The following OR51B5 variants were observed in gnomAD, a reference collection of about 807,000 sequenced individuals.
OR51B5 encodes the protein olfactory receptor family 51 subfamily B member 5, also known as olfactory receptor 51B5.
For missense variants in OR51B5, 456 were observed against 374.6 expected (o/e 1.22, Z -1.79); for synonymous variants, 186 against 144.8 (o/e 1.28, Z -2.04).
chr11:5,457,247 C>T (rs1590007638), intron 1 of OR51B5, among the ~76,000 whole-genome samples: 1 of 152,298 alleles, frequency 6.6e-6, no homozygotes, highest in African/African-American at 2.4e-5. Context: ...GTTTTCTGTT[C>T]ATGCATTAAT....
At chr11:5,385,678 ATAC>A (rs2133723371) in intron 1 of OR51B5, among the ~76,000 whole-genome samples, 1 of 146,104 alleles carries the variant, frequency 6.8e-6, no homozygotes, top group South Asian at 2.2e-4. Flanking sequence ...ATACGTATAA[ATAC>A]TACCTATAAT....
At chr11:5,353,373 A>G (rs1852018618) in intron 1 of OR51B5, among the ~76,000 whole-genome samples, 2 of 152,192 alleles carry the variant, frequency 1.3e-5, no homozygotes, top group African/African-American at 4.8e-5. Flanking sequence ...ATAAAGTGGT[A>G]TGAGAGGTCT....
chr11:5,422,130 G>C, intron 1 of OR51B5: 1 of 1,205,212 alleles, frequency 8.3e-7, no homozygotes, highest in Non-Finnish European at 1.2e-6. Context: ...ATGGGGCAAA[G>C]AGATATTATT....
At chr11:5,414,388 A>C (rs1282358165) in intron 1 of OR51B5, among the ~76,000 whole-genome samples, 40 of 146,852 alleles carry the variant, frequency 2.7e-4, no homozygotes, top group South Asian at 7.0e-4. Flanking sequence ...TGAGCAAAAT[A>C]ACCAGCTAAC....
rs971569869 is a variant in OR51B5 at position 5,478,802 on chromosome 11, G to C, written n.84+26767C>G. ...TGAATGAAATGAAGCGTGAAGGGAA[G>C]TTTAGAGAAAAAAGAATAAAAAGAA... is the stretch of plus-strand genomic sequence containing the variant. On this transcript the variant is annotated intron_variant and non_coding_transcript_variant, in intron 1 of 4. Coordinates refer to the OR51B5 transcript ENST00000415970. Among the ~76,000 whole-genome samples the C allele has an allele frequency of 1.4e-3, 217 of 150,732 alleles. 2 individuals are homozygous for C. Among genetic ancestry groups the C allele is most frequent in the African/African-American group, 5.0e-3 (205 of 40,696 alleles).
chr11:5,418,622 G>A (rs7943412), intron 1 of OR51B5, among the ~76,000 whole-genome samples: 124,485 of 151,504 alleles, frequency 0.82, 51,970 homozygotes, highest in Non-Finnish European at 0.89. Flanking sequence ...GCAAAATATC[G>A]CAAGGACAGA....
chr11:5,350,722 T>C (rs938328459), intron 1 of OR51B5, among the ~76,000 whole-genome samples: 2 of 152,200 alleles, frequency 1.3e-5, no homozygotes, highest in African/African-American at 4.8e-5. Context: ...CAAATCCACA[T>C]TTTACTGTTT....
At chr11:5,444,961 C>T (rs1243328826) in intron 1 of OR51B5, among the ~76,000 whole-genome samples, 2 of 152,146 alleles carry the variant, frequency 1.3e-5, no homozygotes, top group African/African-American at 4.8e-5. Context: ...CTCCTGAGAC[C>T]TTCACAGATA....
At chr11:5,376,365 G>C (rs926798671) in intron 1 of OR51B5, among the ~76,000 whole-genome samples, 24 of 152,136 alleles carry the variant, frequency 1.6e-4, no homozygotes, top group African/African-American at 5.8e-4. Context: ...AAGCAAGAAA[G>C]ATCCAAAATT....
At chr11:5,391,016 A>C (rs1849786820) in intron 1 of OR51B5, 1 of 152,266 alleles carries the variant, frequency 6.6e-6, no homozygotes, top group South Asian at 2.1e-4. Flanking sequence ...GACTCCTCTC[A>C]TCTCTGATTT....
At chr11:5,485,852 G>A (rs1564829688) in intron 1 of OR51B5, among the ~76,000 whole-genome samples, 1 of 152,082 alleles carries the variant, frequency 6.6e-6, no homozygotes, top group Non-Finnish European at 1.5e-5. Flanking sequence ...ATATGTCAAG[G>A]TCTTAATTAA....
At chr11:5,400,862 A>G (rs1011814354) in intron 1 of OR51B5, among the ~76,000 whole-genome samples, 1 of 152,230 alleles carries the variant, frequency 6.6e-6, no homozygotes, top group African/African-American at 2.4e-5. Context: ...CCATTACGGA[A>G]TAGTGAGGTC....
chr11:5,352,172 C>A (rs1189754090), intron 1 of OR51B5: 2 of 1,614,062 alleles, frequency 1.2e-6, no homozygotes, highest in African/African-American at 2.7e-5. Context: ...ATTCTCAAGA[C>A]TGTCATGGGC....
rs186372526 is a variant in OR51B5, at chr11:5,349,121, T to G, written n.85-2211A>C. ...CTATGACAGAGACCCTGGAAGAGGG[T>G]GAATGGCTGCAGGGATGAGGCAAAG... On this transcript the variant is annotated intron_variant and non_coding_transcript_variant, in intron 1 of 4. Transcript: ENST00000415970. Among the ~76,000 whole-genome samples the G allele has an allele frequency of 7.5e-4, 114 of 152,098 alleles. 1 individual carries two copies. The East Asian group carries it at 0.019, about 25-fold the overall frequency.
chr11:5,473,667 G>C lies in OR51B5; in HGVS notation n.84+31902C>G, dbSNP rs889259932. 2.0e-5 allele frequency among the ~76,000 whole-genome samples: 3 copies of C among 152,122 alleles called. No individual in the cohort carries two copies. The South Asian group carries it at 6.2e-4, about 32-fold the overall frequency. Reference sequence around the variant, plus strand: ...GAAAGCAATATGGAATTATTTAATGGAAAAATAAGCATACACATTTAGAGC... The same window carrying C: ...GAAAGCAATATGGAATTATTTAATGCAAAAATAAGCATACACATTTAGAGC... On this transcript the variant is annotated intron_variant and non_coding_transcript_variant, in intron 1 of 4. Transcript: ENST00000415970.
At position 5,459,106 on chromosome 11, in the gene OR51B5, T is replaced by C. The variant is rs1407110321; in HGVS notation, n.84+46463A>G. On this transcript the variant is annotated intron_variant and non_coding_transcript_variant, in intron 1 of 4. Coordinates refer to the OR51B5 transcript ENST00000415970. Reference sequence around the variant, plus strand: ...CTGTTAGTTTCTCATAGACAGTTCTTATTATTTTGAGGTATAATCCTTCAA... The same window carrying C: ...CTGTTAGTTTCTCATAGACAGTTCTCATTATTTTGAGGTATAATCCTTCAA... Among the ~76,000 whole-genome samples the C allele has an allele frequency of 5.9e-5, 9 of 152,218 alleles. No individual in the cohort carries two copies. In the East Asian group the frequency reaches 1.7e-3, roughly 29 times the overall value.
intron 1 of OR51B5, among the ~76,000 whole-genome samples, chr11:5,438,208 A>G (rs142240485): frequency 7.2e-4 from 110 of 152,274 alleles, no homozygotes; most frequent in African/African-American, 2.4e-3. Flanking sequence ...GTCATGATGT[A>G]AAATGACTCT....
chr11:5,388,032 T>C (rs1482408223), intron 1 of OR51B5, among the ~76,000 whole-genome samples: 1 of 152,154 alleles, frequency 6.6e-6, no homozygotes, highest in South Asian at 2.1e-4. Flanking sequence ...TGCACCAACC[T>C]AATAGAATTA....
At chr11:5,379,722 CAAT>C (rs1849581653) in intron 1 of OR51B5, among the ~76,000 whole-genome samples, 1 of 152,088 alleles carries the variant, frequency 6.6e-6, no homozygotes, top group Non-Finnish European at 1.5e-5. Flanking sequence ...AACATTCAGT[CAAT>C]AATTCCTCAA....
Sources: allele counts gnomAD v4.1 joint callset (sites outside exome capture counted in the v4.1 genomes callset), GRCh38; gene constraint gnomAD v4.1.1; transcripts MANE v1.5; gene names NCBI Gene and HGNC (gene_info 2026-07-23, HGNC 2026-07-21).